The following MATCAP2 variants were observed in gnomAD, a reference collection of about 807,000 sequenced individuals.
MATCAP2 encodes the protein putative tyrosine carboxypeptidase MATCAP2.
At chr7:36,375,696 C>T in the MATCAP2 span, among the ~76,000 whole-genome samples, 9 of 152,196 alleles carry the variant, frequency 5.9e-5, no homozygotes, top group East Asian at 9.7e-4. Context: ...TGGTACAATT[C>T]GGCTGTGAAT....
At chr7:36,330,178 T>G in the MATCAP2 span, among the ~76,000 whole-genome samples, 1 of 151,904 alleles carries the variant, frequency 6.6e-6, no homozygotes, top group Non-Finnish European at 1.5e-5. Flanking sequence ...CTCGACCTCC[T>G]GGGCTCAAGT....
At chr7:36,356,592 C>T in the MATCAP2 span, 917 of 523,304 alleles carry the variant, frequency 1.8e-3, 4 homozygotes, top group African/African-American at 0.011. Context: ...TGTCTGTAGG[C>T]GGCTAAATTG....
At chr7:36,389,156 G>C in the MATCAP2 span, among the ~76,000 whole-genome samples, 1 of 152,140 alleles carries the variant, frequency 6.6e-6, no homozygotes, top group South Asian at 2.1e-4. Flanking sequence ...CCGGGTCCCA[G>C]TTCAAGCAAT....
the MATCAP2 span, chr7:36,367,026 G>A: frequency 7.8e-7 from 1 of 1,279,200 alleles, no homozygotes; most frequent in Non-Finnish European, 9.8e-7. Flanking sequence ...CCTCTGACCC[G>A]GGCCTCGGTG....
chr7:36,327,101 C>A, the MATCAP2 span, among the ~76,000 whole-genome samples: 1 of 152,092 alleles, frequency 6.6e-6, no homozygotes, highest in Non-Finnish European at 1.5e-5. Flanking sequence ...TAATGTATTT[C>A]TCTGCCCCTT....
the MATCAP2 span, among the ~76,000 whole-genome samples, chr7:36,370,180 T>C: frequency 1.3e-5 from 2 of 152,226 alleles, no homozygotes; most frequent in African/African-American, 4.8e-5. Flanking sequence ...TCATCAAGCT[T>C]TCTGCATCTG....
At chr7:36,364,865 C>T in the MATCAP2 span, among the ~76,000 whole-genome samples, 1 of 152,098 alleles carries the variant, frequency 6.6e-6, no homozygotes, top group Admixed American at 6.5e-5. Flanking sequence ...AAAAATGACC[C>T]AGTTATTTTT....
At chr7:36,377,993 G>T in the MATCAP2 span, among the ~76,000 whole-genome samples, 1 of 152,174 alleles carries the variant, frequency 6.6e-6, no homozygotes, top group Non-Finnish European at 1.5e-5. Context: ...ATTCTAGTTA[G>T]CCATTCGTCT....
At chr7:36,361,582 G>C in the MATCAP2 span, among the ~76,000 whole-genome samples, 1 of 152,034 alleles carries the variant, frequency 6.6e-6, no homozygotes. Flanking sequence ...ATTTTATCAA[G>C]ACTTTCATTA....
chr7:36,330,074 T>G, the MATCAP2 span, among the ~76,000 whole-genome samples: 1 of 133,338 alleles, frequency 7.5e-6, no homozygotes, highest in African/African-American at 2.8e-5. Context: ...TATTTTATTT[T>G]ATTTATTTAT....
chr7:36,377,989 G>T, the MATCAP2 span, among the ~76,000 whole-genome samples: 1 of 152,124 alleles, frequency 6.6e-6, no homozygotes, highest in Admixed American at 6.5e-5. Flanking sequence ...GTTTATTCTA[G>T]TTAGCCATTC....
the MATCAP2 span, among the ~76,000 whole-genome samples, chr7:36,389,487 C>G: frequency 6.6e-6 from 1 of 152,208 alleles, no homozygotes; most frequent in South Asian, 2.1e-4. Flanking sequence ...CTCAGCCTCC[C>G]CAAATGCTGG....
chr7:36,339,619 A>G, the MATCAP2 span, among the ~76,000 whole-genome samples: 1 of 152,240 alleles, frequency 6.6e-6, no homozygotes, highest in Admixed American at 6.5e-5. Context: ...AGCACAAATT[A>G]GCATATAATT....
the MATCAP2 span, among the ~76,000 whole-genome samples, chr7:36,384,117 G>A: frequency 1.3e-5 from 2 of 152,026 alleles, no homozygotes; most frequent in Non-Finnish European, 2.9e-5. Context: ...GAGGGTCTTT[G>A]TTGCAGTCCC....
the MATCAP2 span, among the ~76,000 whole-genome samples, chr7:36,366,108 C>T: frequency 6.6e-6 from 1 of 152,170 alleles, no homozygotes; most frequent in Non-Finnish European, 1.5e-5. Context: ...AAAATTCCGG[C>T]TTTATTTTGG....
the MATCAP2 span, among the ~76,000 whole-genome samples, chr7:36,387,192 T>C: frequency 3.3e-5 from 5 of 152,144 alleles, no homozygotes; most frequent in African/African-American, 1.2e-4. Flanking sequence ...GATATTGTTA[T>C]GGATATATAT....
At chr7:36,351,500 G>A in the MATCAP2 span, among the ~76,000 whole-genome samples, 1 of 152,148 alleles carries the variant, frequency 6.6e-6, no homozygotes, top group Non-Finnish European at 1.5e-5. Flanking sequence ...AAAAGGGGCT[G>A]TCAGAATCAC....
At chr7:36,340,599 T>A in the MATCAP2 span, among the ~76,000 whole-genome samples, 2 of 152,234 alleles carry the variant, frequency 1.3e-5, no homozygotes, top group Admixed American at 1.3e-4. Flanking sequence ...ATGTCTAGCC[T>A]TTCATTATCT....
chr7:36,330,066 TTTTATTTTATTTA>T, the MATCAP2 span, among the ~76,000 whole-genome samples: 21 of 143,076 alleles, frequency 1.5e-4, 1 homozygote, highest in Non-Finnish European at 3.1e-4. Flanking sequence ...TTTTATTTTA[TTTTATTTTATTTA>T]TTTATTTATT....
Sources: gnomAD v4.1 joint callset for allele counts (sites outside exome capture counted in the v4.1 genomes callset) on GRCh38, gnomAD v4.1.1 for gene constraint, MANE v1.5 for transcripts, NCBI Gene and HGNC (gene_info 2026-07-23, HGNC 2026-07-21) for gene names.